Variants in IQSEC1 observed in about 807,000 individuals in gnomAD.
IQSEC1 encodes the protein IQ motif and SEC7 domain-containing protein 1.
In IQSEC1, 31 loss-of-function variants were observed where a neutral mutation model predicts 91.0. That is an observed-to-expected ratio of 0.34 (90% CI 0.26 to 0.46). IQSEC1 has a LOEUF of 0.46. Ranked by LOEUF, IQSEC1 falls within the 20% of genes least tolerant of loss-of-function variation. IQSEC1 has a pLI of 1.00. For missense variants in IQSEC1, 1,388 were observed against 1,575.6 expected (o/e 0.88, Z 2.02); for synonymous variants, 699 against 662.6 (o/e 1.05, Z -0.84).
intron 1 of IQSEC1, among the ~76,000 whole-genome samples, chr3:13,241,110 A>G (rs1159800066): frequency 6.6e-6 from 1 of 152,202 alleles, no homozygotes; most frequent in Non-Finnish European, 1.5e-5. Context: ...TCAACGCCTC[A>G]TGTCCACGGG....
At chr3:13,218,083 G>A (rs892026649) in intron 1 of IQSEC1, among the ~76,000 whole-genome samples, 3 of 152,170 alleles carry the variant, frequency 2.0e-5, no homozygotes, top group Non-Finnish European at 2.9e-5. Context: ...TGGCAGCTCC[G>A]GCATTCTAGG....
At chr3:13,072,387 C>T (rs918679864) in intron 1 of IQSEC1, among the ~76,000 whole-genome samples, 1 of 152,224 alleles carries the variant, frequency 6.6e-6, no homozygotes, top group Non-Finnish European at 1.5e-5. Context: ...CATAAATACC[C>T]GGGCCCGTGA....
At chr3:13,140,306 ACCT>A (rs1706779508) in intron 2 of IQSEC1, among the ~76,000 whole-genome samples, 1 of 152,018 alleles carries the variant, frequency 6.6e-6, no homozygotes, top group African/African-American at 2.4e-5. Context: ...TCACGCTGTC[ACCT>A]CCTCCTTTTT....
Position 13,219,961 on chromosome 3 carries a change from A to T in IQSEC1, c.273-55828T>A, listed in dbSNP as rs147205690. Among the ~76,000 whole-genome samples the T allele has an allele frequency of 3.4e-3, 512 of 152,176 alleles. 5 individuals are homozygous for T. The highest frequency in any genetic ancestry group is 0.012 in the African/African-American group (485 of 41,544). On this transcript the variant is annotated intron_variant, in intron 1 of 15. Coordinates refer to the IQSEC1 transcript ENST00000648114. The stretch of plus-strand genomic sequence containing the variant: ...TCTCCCAGTCACTCCAGGCGTGGCA[A>T]CTCCTCACCGGAAACCTGAAACGTG...
At chr3:13,194,925 C>T (rs1384680996) in intron 1 of IQSEC1, among the ~76,000 whole-genome samples, 1 of 152,162 alleles carries the variant, frequency 6.6e-6, no homozygotes, top group African/African-American at 2.4e-5. Flanking sequence ...AAAACCCAGA[C>T]CTAGCCTGAG....
chr3:13,002,932 T>G (rs1360383880), intron 1 of IQSEC1, among the ~76,000 whole-genome samples: 1 of 152,216 alleles, frequency 6.6e-6, no homozygotes, highest in Non-Finnish European at 1.5e-5. Flanking sequence ...TTCTAAAAAG[T>G]TAAACAGAGA....
intron 1 of IQSEC1, among the ~76,000 whole-genome samples, chr3:13,220,312 G>T (rs1694633489): frequency 6.6e-6 from 1 of 152,228 alleles, no homozygotes; most frequent in African/African-American, 2.4e-5. Context: ...GTCACATAGG[G>T]CCTGTGACCA....
rs114107588 is a variant in IQSEC1 at position 13,035,517 on chromosome 3, T to C, written c.23+37475A>G. 8.8e-3 allele frequency among the ~76,000 whole-genome samples: 1,344 copies of C among 152,202 alleles called. 11 individuals carry two copies. The highest frequency in any genetic ancestry group is 0.013 in the Non-Finnish European group (897 of 68,014). ...CACACTTCATTTCAACTTACTCCAT[T>C]AAGAAAAAGAAAACCTGCCACTGAT... On this transcript the variant is annotated intron_variant, in intron 1 of 13. Coordinates refer to ENST00000613206, the MANE Select transcript of IQSEC1 (RefSeq NM_001134382.3).
chr3:13,234,659 G>A (rs1052407147), intron 1 of IQSEC1, among the ~76,000 whole-genome samples: 2 of 152,186 alleles, frequency 1.3e-5, no homozygotes, highest in Non-Finnish European at 1.5e-5. Flanking sequence ...AGAATCAAGT[G>A]AAATTGCCCA....
intron 1 of IQSEC1, among the ~76,000 whole-genome samples, chr3:13,182,536 A>G (rs1417895445): frequency 2.0e-5 from 3 of 152,200 alleles, no homozygotes; most frequent in Non-Finnish European, 4.4e-5. Flanking sequence ...GATGCATATA[A>G]AGATAAGTGG....
Position 13,038,041 on chromosome 3 carries a change from G to C in IQSEC1, c.23+34951C>G, listed in dbSNP as rs367935033. ...TACCACAAGTAAAACTTTTAAAAAA[G>C]CAACTTGCAATTTATAATACTATGA... On this transcript the variant is annotated intron_variant, in intron 1 of 13. Transcript: ENST00000613206. 3.5e-4 allele frequency among the ~76,000 whole-genome samples: 53 copies of C among 151,868 alleles called. 2 individuals carry two copies. The South Asian group carries it at 8.1e-3, about 23-fold the overall frequency.
intron 1 of IQSEC1, among the ~76,000 whole-genome samples, chr3:13,031,384 G>A (rs1293557908): frequency 2.0e-5 from 3 of 152,214 alleles, no homozygotes; most frequent in Non-Finnish European, 2.9e-5. Flanking sequence ...TGGGGGACTC[G>A]GCCTCTGCAG....
At chr3:12,926,549 G>A (rs1234207860) in intron 3 of IQSEC1, among the ~76,000 whole-genome samples, 3 of 152,358 alleles carry the variant, frequency 2.0e-5, no homozygotes, top group East Asian at 3.9e-4. Flanking sequence ...GAGTCCATGA[G>A]GAGCCCAGTG....
intron 1 of IQSEC1, among the ~76,000 whole-genome samples, chr3:13,025,006 A>T (rs764676461): frequency 6.6e-6 from 1 of 152,242 alleles, no homozygotes; most frequent in East Asian, 1.9e-4. Flanking sequence ...ACCTCTCAAC[A>T]TCACTGTCTG....
intron 1 of IQSEC1, among the ~76,000 whole-genome samples, chr3:13,040,440 G>A (rs1243946314): frequency 6.6e-6 from 1 of 152,220 alleles, no homozygotes; most frequent in Non-Finnish European, 1.5e-5. Context: ...TTAAGAACAA[G>A]AGCACAGGCT....
chr3:12,950,701 G>A (rs6442342), intron 1 of IQSEC1, among the ~76,000 whole-genome samples: 51,184 of 150,678 alleles, frequency 0.34, 9,637 homozygotes, highest in East Asian at 0.83. Flanking sequence ...GGAGTGCAGT[G>A]GCGTGATCTC....
chr3:13,084,247 G>A (rs139019939), intron 2 of IQSEC1, among the ~76,000 whole-genome samples: 86 of 152,224 alleles, frequency 5.6e-4, no homozygotes, highest in African/African-American at 1.7e-3. Context: ...TGGGGCACAC[G>A]GCAGGTCACC....
intron 1 of IQSEC1, among the ~76,000 whole-genome samples, chr3:12,950,048 C>T (rs1479796710): frequency 6.6e-6 from 1 of 152,228 alleles, no homozygotes; most frequent in Non-Finnish European, 1.5e-5. Context: ...CACGTATGCT[C>T]ACCCACTATG....
At chr3:13,010,217 G>A (rs1702818463) in intron 1 of IQSEC1, among the ~76,000 whole-genome samples, 1 of 152,208 alleles carries the variant, frequency 6.6e-6, no homozygotes, top group Non-Finnish European at 1.5e-5. Flanking sequence ...TCGCAATGGT[G>A]GATGCAGGAT....
Sources: allele counts gnomAD v4.1 joint callset (sites outside exome capture counted in the v4.1 genomes callset), GRCh38; gene constraint gnomAD v4.1.1; transcripts MANE v1.5; gene names NCBI Gene and HGNC (gene_info 2026-07-23, HGNC 2026-07-21).